The following UNC5D variants were observed in gnomAD, a reference collection of about 807,000 sequenced individuals.
UNC5D encodes unc-5 netrin receptor D.
UNC5D carries 39 observed loss-of-function variants against 105.4 expected under a neutral mutation model. The observed-to-expected ratio is 0.37, with a 90% CI of 0.29 to 0.48. The LOEUF is 0.48. Ranked by LOEUF, UNC5D falls within the 20% of genes least tolerant of loss-of-function variation. The pLI, the probability that UNC5D is intolerant of heterozygous loss-of-function variation, is 0.98. For synonymous variants in UNC5D, 452 were observed against 450.4 expected, an observed-to-expected ratio of 1.00 and a Z score of -0.04; for missense variants, 991 against 1,202.4, an observed-to-expected ratio of 0.82 and a Z score of 2.60.
intron 1 of UNC5D, among the ~76,000 whole-genome samples, chr8:35,397,142 G>A (rs1485290561): frequency 6.6e-6 from 1 of 152,112 alleles, no homozygotes; most frequent in East Asian, 1.9e-4. Flanking sequence ...CTGACCTCAG[G>A]TGATGTGCCA....
At chr8:35,416,905 G>T (rs1293347849) in intron 1 of UNC5D, among the ~76,000 whole-genome samples, 1 of 152,140 alleles carries the variant, frequency 6.6e-6, no homozygotes, top group African/African-American at 2.4e-5. Flanking sequence ...TTTATTTATT[G>T]CAGAGAAAGA....
chr8:35,621,109 A>T (rs1321247769), intron 4 of UNC5D, among the ~76,000 whole-genome samples: 1 of 152,222 alleles, frequency 6.6e-6, no homozygotes, highest in African/African-American at 2.4e-5. Context: ...GTCAGCAGGC[A>T]TTGCCAAATG....
At chr8:35,305,207 T>C (rs1808245470) in intron 1 of UNC5D, among the ~76,000 whole-genome samples, 1 of 152,148 alleles carries the variant, frequency 6.6e-6, no homozygotes, top group Non-Finnish European at 1.5e-5. Flanking sequence ...GTAGGATGGA[T>C]AGACGTAAGT....
At chr8:35,734,843 C>T (rs1177388860) in intron 11 of UNC5D, among the ~76,000 whole-genome samples, 3 of 142,658 alleles carry the variant, frequency 2.1e-5, no homozygotes, top group African/African-American at 2.8e-5. Context: ...AGTGCAATGG[C>T]GCCATCTTGG....
chr8:35,640,646 T>A (rs1822650983), intron 4 of UNC5D, among the ~76,000 whole-genome samples: 1 of 152,162 alleles, frequency 6.6e-6, no homozygotes. Context: ...AAGATTAAGG[T>A]AAAAATTCCT....
intron 4 of UNC5D, among the ~76,000 whole-genome samples, chr8:35,666,428 G>A (rs1485745182): frequency 6.6e-6 from 1 of 151,670 alleles, no homozygotes; most frequent in Non-Finnish European, 1.5e-5. Context: ...GTGGAATGGA[G>A]GCTGTTGAAA....
intron 14 of UNC5D, among the ~76,000 whole-genome samples, chr8:35,762,097 G>A (rs1801562083): frequency 6.6e-6 from 1 of 152,110 alleles, no homozygotes; most frequent in Non-Finnish European, 1.5e-5. Flanking sequence ...GAATCTGGGA[G>A]CTGACTTATT....
At chr8:35,397,761 A>G (rs1006808386) in intron 1 of UNC5D, among the ~76,000 whole-genome samples, 15 of 152,294 alleles carry the variant, frequency 9.8e-5, no homozygotes, top group African/African-American at 3.4e-4. Context: ...ATAGCGTCCA[A>G]ACTGGCTTCT....
At chr8:35,583,175 G>A (rs1586181515) in intron 3 of UNC5D, among the ~76,000 whole-genome samples, 2 of 152,120 alleles carry the variant, frequency 1.3e-5, no homozygotes, top group African/African-American at 4.8e-5. Flanking sequence ...AACATAGTGA[G>A]ACCCCATCTC....
chr8:35,793,306 C>T lies in UNC5D; in HGVS notation c.*2743C>T, dbSNP rs1451950520. The T allele has an allele frequency of 2.9e-6, 1 of 343,780 alleles. No individual in the cohort carries two copies. Among genetic ancestry groups the T allele is most frequent in the Non-Finnish European group, 5.7e-6 (1 of 174,032 alleles). The allele number at this position is 343,780 out of a possible 1,614,324, so 21.3% of individuals were successfully genotyped here. A position where few individuals can be genotyped will look rare whatever the true frequency, so the allele number is the denominator to read the frequency against. ...AATTGCAGATCAGATAAAAAGTGAG[C>T]TTACACTTGAACTTAGTTATTCACT... On this transcript the variant is annotated 3_prime_UTR_variant, in exon 17 of 17. Transcript: ENST00000404895.
rs1429715110 is a variant in UNC5D, at chr8:35,249,451, G to A, written c.103+13564G>A. Among the ~76,000 whole-genome samples, 6 of 150,644 alleles carry A rather than the reference G, an allele frequency of 4.0e-5. No individual in the cohort carries two copies. In the South Asian group the frequency reaches 6.3e-4, roughly 16 times the overall value. ...CAGGTGCCTGTAATCCCGGCTACTCGGGAGGCTGAGGCAGGAGAATCGCTT... is the reference window on the plus strand; with the variant it reads ...CAGGTGCCTGTAATCCCGGCTACTCAGGAGGCTGAGGCAGGAGAATCGCTT... On this transcript the variant is annotated intron_variant, in intron 1 of 16. Transcript: ENST00000404895.
At chr8:35,562,824 G>A (rs548541561) in intron 2 of UNC5D, among the ~76,000 whole-genome samples, 3 of 151,838 alleles carry the variant, frequency 2.0e-5, no homozygotes, top group Non-Finnish European at 4.4e-5. Context: ...AATCCTATTT[G>A]TCTATTTTTA....
At chr8:35,357,029 T>C (rs568059548) in intron 1 of UNC5D, among the ~76,000 whole-genome samples, 1 of 152,144 alleles carries the variant, frequency 6.6e-6, no homozygotes, top group African/African-American at 2.4e-5. Context: ...CATGAGTAAC[T>C]GAACTGTGGA....
intron 16 of UNC5D, among the ~76,000 whole-genome samples, chr8:35,774,802 C>T (rs563931700): frequency 3.9e-5 from 6 of 152,152 alleles, no homozygotes; most frequent in Admixed American, 1.3e-4. Flanking sequence ...TGGTGCACGC[C>T]TGTAATCCCA....
intron 1 of UNC5D, among the ~76,000 whole-genome samples, chr8:35,516,084 T>C (rs549521320): frequency 2.6e-5 from 4 of 152,186 alleles, no homozygotes; most frequent in Non-Finnish European, 5.9e-5. Context: ...TCCTACTTAT[T>C]TATCACACTT....
At chr8:35,721,658 G>A (rs1337690381) in intron 8 of UNC5D, among the ~76,000 whole-genome samples, 2 of 152,176 alleles carry the variant, frequency 1.3e-5, no homozygotes, top group Non-Finnish European at 2.9e-5. Flanking sequence ...TGTTGTCAGT[G>A]TACTTTTAAT....
chr8:35,275,318 T>C (rs1025018371), intron 1 of UNC5D, among the ~76,000 whole-genome samples: 2 of 151,906 alleles, frequency 1.3e-5, no homozygotes, highest in African/African-American at 4.8e-5. Flanking sequence ...TGAATCAAAA[T>C]TTCATAACAG....
intron 1 of UNC5D, among the ~76,000 whole-genome samples, chr8:35,472,133 A>G (rs565171090): frequency 2.6e-5 from 4 of 152,350 alleles, no homozygotes; most frequent in Non-Finnish European, 4.4e-5. Flanking sequence ...TAAGAAGGCA[A>G]AAGAATCTTG....
At chr8:35,408,803 C>T (rs540443555) in intron 1 of UNC5D, among the ~76,000 whole-genome samples, 43 of 151,642 alleles carry the variant, frequency 2.8e-4, no homozygotes, top group Middle Eastern at 3.4e-3. Flanking sequence ...TGTCCATGGC[C>T]TTAAGTATTT....
Sources: allele counts gnomAD v4.1 joint callset (sites outside exome capture counted in the v4.1 genomes callset), GRCh38; gene constraint gnomAD v4.1.1; transcripts MANE v1.5; gene names NCBI Gene and HGNC (gene_info 2026-07-23, HGNC 2026-07-21).